SHANK2: variants seen among roughly 807,000 people sequenced by gnomAD.
The protein encoded by SHANK2 is SH3 and multiple ankyrin repeat domains protein 2.
Under a neutral mutation model 133.7 loss-of-function variants are expected in SHANK2, and 43 were observed. That is an observed-to-expected ratio of 0.32 (90% confidence interval 0.25 to 0.41). SHANK2 has a LOEUF of 0.41. SHANK2 is among the 10% of genes least tolerant of loss of function. The probability of loss-of-function intolerance (pLI) is 1.00; values close to 1 mark genes in which losing one functional copy is unlikely to be tolerated. For missense variants in SHANK2, 1,994 were observed against 2,235.8 expected (o/e 0.89, Z 2.18); for synonymous variants, 1,017 against 952.8 (o/e 1.07, Z -1.24).
At chr11:71,234,494 G>GA (rs1954799107) in intron 1 of SHANK2, among the ~76,000 whole-genome samples, 1 of 152,150 alleles carries the variant, frequency 6.6e-6, no homozygotes, top group Non-Finnish European at 1.5e-5. Flanking sequence ...GAGGAGTTCT[G>GA]AAACAGCTCT....
At chr11:70,897,171 G>C (rs1949948248) in intron 10 of SHANK2, among the ~76,000 whole-genome samples, 1 of 152,170 alleles carries the variant, frequency 6.6e-6, no homozygotes, top group African/African-American at 2.4e-5. Flanking sequence ...CTTTGATATG[G>C]GAGAGCAGTC....
chr11:71,218,092 C>T (rs560613236), intron 2 of SHANK2, among the ~76,000 whole-genome samples: 2 of 152,058 alleles, frequency 1.3e-5, no homozygotes, highest in South Asian at 4.2e-4. Flanking sequence ...CCTTGTGATT[C>T]GCCTCCTTAC....
intron 1 of SHANK2, among the ~76,000 whole-genome samples, chr11:71,238,590 G>A (rs1555124015): frequency 6.6e-6 from 1 of 152,230 alleles, no homozygotes; most frequent in East Asian, 1.9e-4. Flanking sequence ...GTCGAGGTAA[G>A]AGCGGAGAGG....
intron 17 of SHANK2, among the ~76,000 whole-genome samples, chr11:70,550,443 T>A (rs2059749879): frequency 6.6e-6 from 1 of 151,996 alleles, no homozygotes. Flanking sequence ...TGGCAAATGC[T>A]GCGTTCTACA....
chr11:70,741,541 G>T (rs1406554346), intron 14 of SHANK2, among the ~76,000 whole-genome samples: 1 of 152,062 alleles, frequency 6.6e-6, no homozygotes, highest in Non-Finnish European at 1.5e-5. Context: ...TACCTACCAG[G>T]TACCTTCCCC....
intron 11 of SHANK2, among the ~76,000 whole-genome samples, chr11:70,868,478 T>C (rs1555069543): frequency 1.3e-5 from 2 of 152,216 alleles, no homozygotes; most frequent in African/African-American, 4.8e-5. Context: ...TGACTATTAT[T>C]TATCCCTGTG....
At chr11:70,812,031 C>T (rs555667356) in intron 12 of SHANK2, among the ~76,000 whole-genome samples, 1 of 152,380 alleles carries the variant, frequency 6.6e-6, no homozygotes, top group Admixed American at 6.5e-5. Context: ...TGTGATAACG[C>T]ACTCTGCCAG....
chr11:71,235,896 C>T (rs1954820885), intron 1 of SHANK2, among the ~76,000 whole-genome samples: 1 of 152,232 alleles, frequency 6.6e-6, no homozygotes, highest in South Asian at 2.1e-4. Context: ...ATCTCCCATC[C>T]TGCCGGCTGC....
chr11:70,729,147 A>T (rs1485867381), intron 14 of SHANK2, among the ~76,000 whole-genome samples: 3 of 151,624 alleles, frequency 2.0e-5, no homozygotes, highest in Admixed American at 6.6e-5. Context: ...GAGGTTGCCG[A>T]GATCGCACCA....
chr11:70,595,434 C>A (rs1056776650), intron 17 of SHANK2, among the ~76,000 whole-genome samples: 2 of 152,224 alleles, frequency 1.3e-5, no homozygotes, highest in African/African-American at 4.8e-5. Context: ...GAGTTTTTAT[C>A]CCTGAGATGA....
chr11:71,109,829 CAAAACCAAGT>C (rs1177251176), intron 6 of SHANK2, 102 bp downstream of exon 6: 2 of 740,794 alleles, frequency 2.7e-6, no homozygotes, highest in African/African-American at 3.5e-5. Flanking sequence ...AAACACCAAA[CAAAACCAAGT>C]AAAAGGTAAC....
intron 14 of SHANK2, among the ~76,000 whole-genome samples, chr11:70,780,394 T>C (rs1472735457): frequency 6.6e-6 from 1 of 152,058 alleles, no homozygotes; most frequent in Non-Finnish European, 1.5e-5. Flanking sequence ...AAGCCCAGAT[T>C]TCCTTCTCTG....
At chr11:70,496,838 C>T in intron 21 of SHANK2, 1 of 396,468 alleles carries the variant, frequency 2.5e-6, no homozygotes. Context: ...GCATGGTTTG[C>T]CTCGTCCAGG....
At chr11:70,854,022 T>C (rs1555066390) in intron 11 of SHANK2, among the ~76,000 whole-genome samples, 1 of 152,038 alleles carries the variant, frequency 6.6e-6, no homozygotes, top group East Asian at 1.9e-4. Flanking sequence ...CATTCTGAGG[T>C]TCAAGTTGGA....
At chr11:71,214,096 T>C (rs1954348326) in intron 2 of SHANK2, among the ~76,000 whole-genome samples, 1 of 152,008 alleles carries the variant, frequency 6.6e-6, no homozygotes, top group South Asian at 2.1e-4. Flanking sequence ...GCCCTGCCTC[T>C]CTCACAGAAA....
At chr11:70,623,544 G>A (rs912812601) in intron 17 of SHANK2, among the ~76,000 whole-genome samples, 1 of 152,340 alleles carries the variant, frequency 6.6e-6, no homozygotes, top group African/African-American at 2.4e-5. Context: ...GGGTGGACTG[G>A]CTGGAAGGAA....
At chr11:70,621,491 C>T (rs781875292) in intron 17 of SHANK2, among the ~76,000 whole-genome samples, 14 of 152,240 alleles carry the variant, frequency 9.2e-5, no homozygotes, top group Non-Finnish European at 1.9e-4. Flanking sequence ...ACACCAAAGG[C>T]TGTGCCCCTA....
rs114358016 is a variant in SHANK2 at position 71,144,425 on chromosome 11, G to A, written c.207+2695C>T. ...CTGGGCAGATACAGAGGACCCCGTG[G>A]AGGATTCCAGAGCTCCAGGGAATGG... is the stretch of plus-strand genomic sequence containing the variant. On this transcript the variant is annotated intron_variant, in intron 3 of 25. Coordinates refer to ENST00000601538, the MANE Select transcript of SHANK2 (RefSeq NM_012309.5). Among the ~76,000 whole-genome samples the A allele has an allele frequency of 9.0e-3, 1,369 of 152,278 alleles. 22 individuals carry two copies. The highest frequency in any genetic ancestry group is 0.031 in the African/African-American group (1,301 of 41,546).
chr11:70,823,718 A>G (rs1394399033), intron 11 of SHANK2, among the ~76,000 whole-genome samples: 6 of 75,298 alleles, frequency 8.0e-5, no homozygotes, highest in South Asian at 4.7e-4. Flanking sequence ...AGGTGGTGTT[A>G]GTAGAGCTCA....
Sources: gnomAD v4.1 joint callset for allele counts (sites outside exome capture counted in the v4.1 genomes callset) on GRCh38, gnomAD v4.1.1 for gene constraint, MANE v1.5 for transcripts, NCBI Gene and HGNC (gene_info 2026-07-23, HGNC 2026-07-21) for gene names.